The following MYO3A variants were observed in gnomAD, a reference collection of about 807,000 sequenced individuals.
MYO3A encodes the protein myosin-IIIa.
MYO3A carries 180 observed loss-of-function variants against 192.7 expected under a neutral mutation model. The ratio of observed to expected loss-of-function variants is 0.93; its 90% CI spans 0.83 to 1.06. MYO3A has a LOEUF of 1.06. Ranked by LOEUF, MYO3A falls within the 50% of genes least tolerant of loss-of-function variation. The pLI is 0.00. For missense variants in MYO3A, 1,896 were observed against 1,905.0 expected (o/e 1.00, Z 0.09); for synonymous variants, 628 against 645.3 (o/e 0.97, Z 0.41).
intron 31 of MYO3A, among the ~76,000 whole-genome samples, chr10:26,185,536 C>T (rs944248100): frequency 1.3e-5 from 2 of 151,718 alleles, no homozygotes; most frequent in African/African-American, 4.8e-5. Context: ...GATGGAGTTT[C>T]ACCATGTTGG....
intron 10 of MYO3A, among the ~76,000 whole-genome samples, chr10:26,041,038 G>C (rs551251295): frequency 1.4e-4 from 22 of 152,080 alleles, no homozygotes; most frequent in African/African-American, 5.3e-4. Flanking sequence ...TCTCTATTTA[G>C]CTCTAATATT....
intron 10 of MYO3A, among the ~76,000 whole-genome samples, chr10:26,046,547 C>G (rs1033308): frequency 2.6e-5 from 4 of 152,120 alleles, no homozygotes; most frequent in Non-Finnish European, 5.9e-5. Flanking sequence ...AGTTGTGCAA[C>G]GTGGACACGT....
chr10:26,078,864 A>C (rs956811197), intron 14 of MYO3A, among the ~76,000 whole-genome samples: 1 of 152,064 alleles, frequency 6.6e-6, no homozygotes, highest in Non-Finnish European at 1.5e-5. Flanking sequence ...TTCTGGTCTG[A>C]GAGAGTGCTT....
chr10:26,142,834 G>T (rs1248478818), intron 20 of MYO3A, among the ~76,000 whole-genome samples: 1 of 152,154 alleles, frequency 6.6e-6, no homozygotes, highest in East Asian at 1.9e-4. Context: ...GATGTATCTA[G>T]TTAAATATTC....
At position 26,070,058 on chromosome 10, in the gene MYO3A, G is replaced by T. The variant is rs180935488; in HGVS notation, c.1171-53G>T. 20 of 1,290,532 alleles carry T rather than the reference G, an allele frequency of 1.5e-5. No homozygotes were observed. In the Admixed American group the frequency reaches 3.4e-4, roughly 22 times the overall value. The allele number at this position is 1,290,532 out of a possible 1,614,324, so 79.9% of individuals were successfully genotyped here. ...TGGAGCTATATTTGTAAATAATTCA[G>T]GACTTAAATAAAAACAAAAAGCCCT... On this transcript the variant is annotated intron_variant, in intron 12 of 34. Transcript: ENST00000642920.
intron 23 of MYO3A, among the ~76,000 whole-genome samples, chr10:26,149,111 A>G (rs942511613): frequency 6.6e-6 from 1 of 152,038 alleles, no homozygotes; most frequent in Non-Finnish European, 1.5e-5. Context: ...ACCACTGAGT[A>G]TAATGTTAAC....
intron 20 of MYO3A, among the ~76,000 whole-genome samples, chr10:26,132,060 T>C (rs571885675): frequency 6.6e-6 from 1 of 152,350 alleles, no homozygotes; most frequent in South Asian, 2.1e-4. Flanking sequence ...GAGAGGCTTT[T>C]ATTTTGCAGC....
Position 26,193,255 on chromosome 10 carries a change from C to G in MYO3A, c.4489C>G (p.Arg1497Gly), listed in dbSNP as rs886046926. 1.9e-6 allele frequency: 3 copies of G among 1,613,858 alleles called. No individual in the cohort carries two copies. Among genetic ancestry groups the G allele is most frequent in the African/African-American group, 1.3e-5 (1 of 74,866 alleles). The change falls in exon 32 of 35, where the codon CGG becomes GGG. Residue 1497 changes from arginine to glycine, a missense_variant. By Grantham distance (125) the Arg-to-Gly change is moderately radical. Coordinates refer to ENST00000642920, the MANE Select transcript of MYO3A (RefSeq NM_017433.5). ...PKILRPPRRP[R>G]KPKTLNNPED... is the part of the protein sequence containing the mutation. ...AATATTGAGACCCCCAAGACGACCCCGGAAACCCAAAACATTAAATAACCC... is the reference window on the plus strand; with the variant it reads ...AATATTGAGACCCCCAAGACGACCCGGGAAACCCAAAACATTAAATAACCC...
chr10:25,976,500 A>G (rs1838973697), intron 4 of MYO3A, among the ~76,000 whole-genome samples: 1 of 152,128 alleles, frequency 6.6e-6, no homozygotes, highest in Admixed American at 6.5e-5. Context: ...TTGAGTAAAA[A>G]TCTCATGTCC....
At chr10:26,116,576 C>G (rs910184465) in intron 17 of MYO3A, among the ~76,000 whole-genome samples, 1 of 152,170 alleles carries the variant, frequency 6.6e-6, no homozygotes, top group African/African-American at 2.4e-5. Context: ...ACAGATGCTA[C>G]AGATTTCATT....
chr10:25,967,756 G>T (rs570888400), intron 4 of MYO3A, among the ~76,000 whole-genome samples: 2 of 152,086 alleles, frequency 1.3e-5, no homozygotes, highest in Admixed American at 6.5e-5. Context: ...ATAGAAAAAA[G>T]AACTGAATAG....
chr10:26,083,911 A>G (rs1209028954), intron 14 of MYO3A, among the ~76,000 whole-genome samples: 1 of 152,232 alleles, frequency 6.6e-6, no homozygotes, highest in Non-Finnish European at 1.5e-5. Context: ...GTGATGCCAA[A>G]GAATATTTCA....
intron 32 of MYO3A, among the ~76,000 whole-genome samples, chr10:26,198,753 A>AG (rs1843537228): frequency 6.6e-6 from 1 of 152,162 alleles, no homozygotes; most frequent in Non-Finnish European, 1.5e-5. Context: ...CTAAGACACT[A>AG]TTCTTTAAAG....
At chr10:26,004,945 G>A (rs983390656) in intron 6 of MYO3A, among the ~76,000 whole-genome samples, 5 of 152,098 alleles carry the variant, frequency 3.3e-5, no homozygotes, top group Admixed American at 1.3e-4. Context: ...TCATCATTTG[G>A]TAACCATCTA....
intron 4 of MYO3A, among the ~76,000 whole-genome samples, chr10:25,968,063 A>G (rs890261585): frequency 6.6e-6 from 1 of 152,190 alleles, no homozygotes; most frequent in Non-Finnish European, 1.5e-5. Flanking sequence ...CTGAGCACTA[A>G]GAAGCTGAAG....
At chr10:26,003,713 C>T (rs1237082429) in intron 6 of MYO3A, among the ~76,000 whole-genome samples, 2 of 152,026 alleles carry the variant, frequency 1.3e-5, no homozygotes, top group East Asian at 1.9e-4. Flanking sequence ...ATGAAAGAGA[C>T]TAAATTTAAA....
chr10:26,096,780 G>A (rs1837068186), intron 17 of MYO3A, 98 bp downstream of exon 17: 1 of 836,404 alleles, frequency 1.2e-6, no homozygotes, highest in African/African-American at 1.7e-5. Flanking sequence ...ACCAGCATAA[G>A]TGCTTTACAT....
chr10:26,091,314 T>C (rs1404711813), intron 15 of MYO3A, among the ~76,000 whole-genome samples: 2 of 152,198 alleles, frequency 1.3e-5, no homozygotes, highest in Non-Finnish European at 2.9e-5. Context: ...TAGATTACCT[T>C]TCTAATGATG....
rs1564401376 is a variant in MYO3A, at chr10:25,954,856, AT to A, written c.169-17del. 6.2e-7 allele frequency: 1 copy of A among 1,609,300 alleles called. No homozygotes were observed. The highest frequency in any genetic ancestry group is 2.2e-5 in the East Asian group (1 of 44,742). On this transcript the variant is annotated splice_polypyrimidine_tract_variant and intron_variant, in intron 3 of 34. Transcript: ENST00000642920. Reference sequence around the variant, plus strand: ...ATGGTTTTCTCACAGTTCTATTCTTATGACTTTTTGAAACTAGGATATTGAC... The same window carrying A: ...ATGGTTTTCTCACAGTTCTATTCTTAGACTTTTTGAAACTAGGATATTGAC...
Sources: allele counts gnomAD v4.1 joint callset (sites outside exome capture counted in the v4.1 genomes callset), GRCh38; gene constraint gnomAD v4.1.1; transcripts MANE v1.5; gene names NCBI Gene and HGNC (gene_info 2026-07-23, HGNC 2026-07-21).